PPP1R14D: variants seen among roughly 807,000 people sequenced by gnomAD.
The protein encoded by PPP1R14D is protein phosphatase 1 regulatory subunit 14D.
A neutral mutation model predicts 17.1 loss-of-function variants in PPP1R14D; 14 were observed. The ratio of observed to expected loss-of-function variants is 0.82; its 90% confidence interval spans 0.54 to 1.28. PPP1R14D has a LOEUF of 1.28. PPP1R14D is among the 50% of genes most tolerant of loss of function. The pLI is 0.00. For synonymous variants in PPP1R14D, 67 were observed against 66.1 expected (o/e 1.01, Z -0.06); for missense variants, 173 against 179.2 (o/e 0.97, Z 0.20).
At chr15:40,817,233 C>A in intron 1 of PPP1R14D, 1 of 297,684 alleles carries the variant, frequency 3.4e-6, no homozygotes, top group Non-Finnish European at 7.0e-6. Context: ...TGCGCATACC[C>A]GTAATCCCAG....
chr15:40,819,236 T>G (rs1451569843), intron 1 of PPP1R14D, among the ~76,000 whole-genome samples: 1 of 152,208 alleles, frequency 6.6e-6, no homozygotes. Context: ...GGGCCACTGT[T>G]GCTTTTGCAT....
Position 40,815,721 on chromosome 15 carries a change from C to T in PPP1R14D, c.413G>A (p.Arg138Gln), listed in dbSNP as rs377153944. The change falls in exon 4 of 4, where the codon CGG (arginine) becomes CAG (glutamine). Residue 138 changes from arginine (R) to glutamine (Q), a missense_variant. Arg to Gln is a conservative substitution (Grantham distance 43, BLOSUM62 1). Transcript: ENST00000299174. ...SELLSQLKKL[R>Q]RLSRPQK ...TTATTTCTGAGGCCGGCTGAGTCTCCGGAGTTTCTTGAGTTGACTGAGCAG... is the reference window on the plus strand; with the variant it reads ...TTATTTCTGAGGCCGGCTGAGTCTCTGGAGTTTCTTGAGTTGACTGAGCAG... 3.3e-5 allele frequency: 54 copies of T among 1,613,676 alleles called. No homozygotes were observed. The South Asian group carries it at 4.2e-4, about 12-fold the overall frequency.
intron 1 of PPP1R14D, among the ~76,000 whole-genome samples, chr15:40,819,919 T>G (rs999369040): frequency 6.6e-6 from 1 of 151,084 alleles, no homozygotes; most frequent in Admixed American, 6.6e-5. Context: ...CAGGCTGGAG[T>G]GCAATGGCAT....
intron 3 of PPP1R14D, 21 bp from the exon 4 acceptor site, chr15:40,815,782 AG>A: frequency 1.3e-6 from 2 of 1,592,896 alleles, no homozygotes; most frequent in Non-Finnish European, 1.7e-6. Context: ...AACAGGAGTG[AG>A]ACCAGGCTTG....
intron 1 of PPP1R14D, among the ~76,000 whole-genome samples, chr15:40,818,305 A>G (rs901520693): frequency 6.0e-5 from 9 of 151,188 alleles, no homozygotes; most frequent in Admixed American, 4.6e-4. Flanking sequence ...AAAAAAAAAA[A>G]AAAAAAACCA....
intron 1 of PPP1R14D, among the ~76,000 whole-genome samples, chr15:40,823,459 G>C (rs1596128470): frequency 6.6e-6 from 1 of 152,232 alleles, no homozygotes; most frequent in East Asian, 1.9e-4. Context: ...GAAATCTACA[G>C]TAATGTCCTA....
At chr15:40,821,711 T>A (rs986067745) in intron 1 of PPP1R14D, among the ~76,000 whole-genome samples, 6 of 151,988 alleles carry the variant, frequency 3.9e-5, no homozygotes, top group Non-Finnish European at 8.8e-5. Context: ...GCGGATCACC[T>A]GAGGTCAGGG....
At chr15:40,825,628 G>C (rs1890857923) in intron 1 of PPP1R14D, among the ~76,000 whole-genome samples, 1 of 152,178 alleles carries the variant, frequency 6.6e-6, no homozygotes, top group African/African-American at 2.4e-5. Context: ...CTGGGGTAGA[G>C]CCCTGGTGGG....
At chr15:40,817,804 A>T (rs908801845) in intron 1 of PPP1R14D, among the ~76,000 whole-genome samples, 1 of 151,578 alleles carries the variant, frequency 6.6e-6, no homozygotes, top group African/African-American at 2.4e-5. Flanking sequence ...TGTAGAGACA[A>T]GTCTCAATAT....
intron 1 of PPP1R14D, among the ~76,000 whole-genome samples, chr15:40,821,749 G>A (rs1282306125): frequency 6.6e-6 from 1 of 151,632 alleles, no homozygotes; most frequent in Non-Finnish European, 1.5e-5. Context: ...CCACCATGGC[G>A]AAACCCCATC....
intron 1 of PPP1R14D, 86 bp from the exon 2 acceptor site, chr15:40,816,339 C>T: frequency 9.4e-7 from 1 of 1,069,008 alleles, no homozygotes; most frequent in East Asian, 2.4e-5. Flanking sequence ...ACCCACCTCT[C>T]TCCAATTTCC....
At chr15:40,826,692 G>T (rs1169726937) in intron 1 of PPP1R14D, among the ~76,000 whole-genome samples, 1 of 152,200 alleles carries the variant, frequency 6.6e-6, no homozygotes, top group Non-Finnish European at 1.5e-5. Context: ...TGCTGGCCAG[G>T]CATGGTGGCT....
At chr15:40,819,182 C>A (rs530305418) in intron 1 of PPP1R14D, among the ~76,000 whole-genome samples, 4 of 152,274 alleles carry the variant, frequency 2.6e-5, no homozygotes, top group African/African-American at 9.6e-5. Context: ...GTGAAGAACA[C>A]GACTACTAGT....
At chr15:40,828,288 G>A (rs1438211386) in intron 1 of PPP1R14D, 99 bp downstream of exon 1, 2 of 1,436,158 alleles carry the variant, frequency 1.4e-6, no homozygotes, top group African/African-American at 2.9e-5. Context: ...TCTCTTCACG[G>A]AAGCACCTCA....
At chr15:40,816,120 G>A (rs756120879) in intron 2 of PPP1R14D, 50 bp downstream of exon 2, 1 of 1,603,562 alleles carries the variant, frequency 6.2e-7, no homozygotes, top group Non-Finnish European at 8.5e-7. Flanking sequence ...GCAGAACCTG[G>A]GTTTCTGGGT....
intron 1 of PPP1R14D, among the ~76,000 whole-genome samples, chr15:40,821,812 C>A (rs949998654): frequency 6.6e-6 from 1 of 152,160 alleles, no homozygotes; most frequent in African/African-American, 2.4e-5. Context: ...CCTGTAACCC[C>A]AGCTACTGGG....
rs1316475690 is a variant in PPP1R14D at position 40,816,240 on chromosome 15, G to T, written c.269C>A (p.Pro90His). The change falls in exon 2 of 4, where the codon CCT becomes CAT. Residue 90 changes from proline to histidine, a missense_variant. By Grantham distance (77) the Pro-to-His change is moderately conservative (BLOSUM62 -2). Transcript: ENST00000299174. ...TTCCAGGTCAATCTCAGGCTCAGAA[G>T]GGGTTGCTTGATCCTATTTGGAAAT... ...VQELFQDQATPSEPEIDLEAL... is the reference protein window; with the variant it reads ...VQELFQDQATHSEPEIDLEAL... 6.2e-7 allele frequency: 1 copy of T among 1,614,154 alleles called. No individual in the cohort carries two copies. Among genetic ancestry groups the T allele is most frequent in the East Asian group, 2.2e-5 (1 of 44,892 alleles).
intron 1 of PPP1R14D, among the ~76,000 whole-genome samples, chr15:40,818,122 C>G (rs1441971386): frequency 1.3e-5 from 2 of 150,568 alleles, no homozygotes; most frequent in African/African-American, 2.5e-5. Flanking sequence ...AACCCCGTCT[C>G]TACTAAAAAT....
chr15:40,815,659 TG>T lies in PPP1R14D; in HGVS notation c.*36del. On this transcript the variant is annotated 3_prime_UTR_variant, in exon 4 of 4. Transcript: ENST00000299174. ...AGGATCTGGAGTTTCAGGGCAGGCC[TG>T]GCAGTGCTGAGGCTGCTAAAGATGG... The T allele has an allele frequency of 6.2e-7, 1 of 1,609,474 alleles. No homozygotes were observed. Among genetic ancestry groups the T allele is most frequent in the Non-Finnish European group, 8.5e-7 (1 of 1,178,042 alleles).
Sources: gnomAD v4.1 joint callset for allele counts (sites outside exome capture counted in the v4.1 genomes callset) on GRCh38, gnomAD v4.1.1 for gene constraint, MANE v1.5 for transcripts, NCBI Gene and HGNC (gene_info 2026-07-23, HGNC 2026-07-21) for gene names.